Variants in ASCC3 observed in about 807,000 individuals in gnomAD.
The protein encoded by ASCC3 is activating signal cointegrator 1 complex subunit 3, also known as ASC-1 complex subunit P200.
A neutral mutation model predicts 256.3 loss-of-function variants in ASCC3; 158 were observed. That is an observed-to-expected ratio of 0.62 (90% confidence interval 0.54 to 0.70). ASCC3 has a LOEUF of 0.70. ASCC3 is among the 30% of genes least tolerant of loss of function. ASCC3 has a pLI of 0.00. For missense variants in ASCC3, 2,259 were observed against 2,626.0 expected (o/e 0.86, Z 3.05); for synonymous variants, 948 against 883.4 (o/e 1.07, Z -1.30).
chr6:100,778,753 A>G lies in ASCC3; in HGVS notation c.1396-11408T>C, dbSNP rs182072760. Among the ~76,000 whole-genome samples the G allele has an allele frequency of 3.7e-3, 568 of 152,296 alleles. 3 individuals carry two copies. The highest frequency in any genetic ancestry group is 0.013 in the African/African-American group (556 of 41,584). ...TTAATATTTAAAATCTAATCATGCA[A>G]CAGCCTCTAAAAATTGAATAACTTG... On this transcript the variant is annotated intron_variant, in intron 8 of 41. Transcript: ENST00000369162.
chr6:100,523,904 TAA>T (rs1774429743), intron 37 of ASCC3, among the ~76,000 whole-genome samples: 1 of 152,182 alleles, frequency 6.6e-6, no homozygotes, highest in Non-Finnish European at 1.5e-5. Flanking sequence ...GTGAATTATA[TAA>T]AGTCAGACAG....
At chr6:100,684,492 T>C (rs239195) in intron 13 of ASCC3, among the ~76,000 whole-genome samples, 78,440 of 151,982 alleles carry the variant, frequency 0.52, 20,542 homozygotes, top group East Asian at 0.72. Flanking sequence ...AATGTTATTG[T>C]CCAGAAACTT....
At chr6:100,830,885 T>C (rs1462842304) in intron 4 of ASCC3, among the ~76,000 whole-genome samples, 1 of 152,180 alleles carries the variant, frequency 6.6e-6, no homozygotes, top group Non-Finnish European at 1.5e-5. Context: ...TAAATAAGAC[T>C]AATATAAGTA....
intron 14 of ASCC3, among the ~76,000 whole-genome samples, chr6:100,673,393 G>A (rs190395002): frequency 1.3e-5 from 2 of 151,922 alleles, no homozygotes; most frequent in Non-Finnish European, 2.9e-5. Context: ...CTCTACTCAA[G>A]TATTTTCAAG....
chr6:100,577,968 C>T (rs933825898), intron 36 of ASCC3, among the ~76,000 whole-genome samples: 1 of 152,058 alleles, frequency 6.6e-6, no homozygotes, highest in East Asian at 1.9e-4. Flanking sequence ...GACAGGCACA[C>T]TGCAATATAT....
intron 10 of ASCC3, among the ~76,000 whole-genome samples, chr6:100,735,590 A>G (rs1241754251): frequency 6.6e-6 from 1 of 152,140 alleles, no homozygotes; most frequent in Non-Finnish European, 1.5e-5. Flanking sequence ...TTTAGATGGT[A>G]AATTTGGCAA....
chr6:100,685,058 C>G (rs1208755370), intron 13 of ASCC3, among the ~76,000 whole-genome samples: 1 of 152,038 alleles, frequency 6.6e-6, no homozygotes, highest in Non-Finnish European at 1.5e-5. Flanking sequence ...CCGCCAGCCT[C>G]GGCCTCCCAA....
chr6:100,723,007 G>A (rs1332407355), intron 11 of ASCC3, among the ~76,000 whole-genome samples: 1 of 151,250 alleles, frequency 6.6e-6, no homozygotes, highest in Non-Finnish European at 1.5e-5. Context: ...TTATAAATTT[G>A]TGCTATTATT....
At chr6:100,523,681 G>T (rs1180436781) in intron 37 of ASCC3, among the ~76,000 whole-genome samples, 2 of 152,220 alleles carry the variant, frequency 1.3e-5, no homozygotes, top group Non-Finnish European at 2.9e-5. Context: ...CGCATAACAG[G>T]CTTGGTCTTA....
chr6:100,802,518 A>C (rs992439764), intron 5 of ASCC3, among the ~76,000 whole-genome samples: 15 of 152,086 alleles, frequency 9.9e-5, no homozygotes, highest in African/African-American at 3.6e-4. Flanking sequence ...ACCCAGTCTC[A>C]GGTATTTCTT....
At chr6:100,543,129 G>C (rs1775544396) in intron 36 of ASCC3, among the ~76,000 whole-genome samples, 1 of 152,054 alleles carries the variant, frequency 6.6e-6, no homozygotes, top group African/African-American at 2.4e-5. Context: ...AGATACTCAA[G>C]TCTCTTATAT....
intron 10 of ASCC3, among the ~76,000 whole-genome samples, chr6:100,738,098 C>T (rs1011023811): frequency 3.9e-5 from 6 of 151,990 alleles, no homozygotes; most frequent in African/African-American, 1.5e-4. Context: ...GTTTGAGTTC[C>T]TTGTAGATGC....
In ASCC3 at chr6:100,679,611, T is replaced by C. The variant is rs774598455; in HGVS notation, c.2286+7A>G. On this transcript the variant is annotated splice_region_variant and intron_variant, in intron 14 of 41. Transcript: ENST00000369162. ...ATGCTTTAGTTCTTGTCCTCTTTGT[T>C]TCTTACCTGTTTTTCTGCAAGTACA... The C allele has an allele frequency of 3.7e-6, 6 of 1,613,394 alleles. No individual in the cohort carries two copies. In the East Asian group the frequency reaches 1.3e-4, roughly 36 times the overall value.
At chr6:100,690,221 G>C (rs779309002) in intron 13 of ASCC3, among the ~76,000 whole-genome samples, 7 of 151,988 alleles carry the variant, frequency 4.6e-5, no homozygotes, top group Non-Finnish European at 1.0e-4. Context: ...TAAATGCTTT[G>C]TAGATTGTTA....
At chr6:100,526,555 T>A (rs1774587094) in intron 37 of ASCC3, among the ~76,000 whole-genome samples, 1 of 152,194 alleles carries the variant, frequency 6.6e-6, no homozygotes, top group Non-Finnish European at 1.5e-5. Flanking sequence ...GTAAAGGTGT[T>A]TAACACCTCA....
At chr6:100,595,269 T>G (rs928575229) in intron 34 of ASCC3, among the ~76,000 whole-genome samples, 5 of 150,800 alleles carry the variant, frequency 3.3e-5, no homozygotes, top group African/African-American at 1.2e-4. Context: ...GATTTGTTCA[T>G]TTCACAATGT....
chr6:100,526,830 C>T (rs918930247), intron 37 of ASCC3, among the ~76,000 whole-genome samples: 6 of 152,098 alleles, frequency 3.9e-5, no homozygotes, highest in Non-Finnish European at 7.4e-5. Context: ...ATATGAACTC[C>T]GGGCAGTCTG....
chr6:100,871,165 G>C (rs1338809349), intron 1 of ASCC3, among the ~76,000 whole-genome samples: 1 of 151,348 alleles, frequency 6.6e-6, no homozygotes. Context: ...GCGTGATCTC[G>C]GCTCACTGCA....
chr6:100,731,809 C>T (rs1582775408), intron 10 of ASCC3, among the ~76,000 whole-genome samples: 1 of 152,140 alleles, frequency 6.6e-6, no homozygotes, highest in Non-Finnish European at 1.5e-5. Context: ...CTCTTACCTG[C>T]TACATTTGTA....
Sources: allele counts gnomAD v4.1 joint callset (sites outside exome capture counted in the v4.1 genomes callset), GRCh38; gene constraint gnomAD v4.1.1; transcripts MANE v1.5; gene names NCBI Gene and HGNC (gene_info 2026-07-23, HGNC 2026-07-21).